LYSMD4: variants seen among roughly 807,000 people sequenced by gnomAD.
LYSMD4 encodes lysM and putative peptidoglycan-binding domain-containing protein 4.
In LYSMD4, 9 loss-of-function variants were observed where a neutral mutation model predicts 6.1. The ratio of observed to expected loss-of-function variants is 1.47; its 90% CI spans 0.88 to 2.56. LYSMD4 has a LOEUF of 2.56. Among genes scored for constraint, LYSMD4 ranks in the 30% most tolerant of loss-of-function variants. The probability of loss-of-function intolerance (pLI) is 0.00; values close to 1 mark genes in which losing one functional copy is unlikely to be tolerated. For missense variants in LYSMD4, 384 were observed against 373.5 expected (o/e 1.03, Z -0.23); for synonymous variants, 143 against 148.5 (o/e 0.96, Z 0.27).
At chr15:99,720,040 G>C (rs112428823), upstream of LYSMD4, among the ~76,000 whole-genome samples, 829 of 152,012 alleles carry the variant, frequency 5.5e-3, 10 homozygotes, top group African/African-American at 0.019. Context: ...CCTCCAACTT[G>C]TAAGGGTTAC....
chr15:99,727,476 GTGATTT>G lies in LYSMD4; in HGVS notation c.*1641_*1646del, dbSNP rs1196537661. 6.6e-6 allele frequency: 1 copy of G among 152,226 alleles called. No individual in the cohort carries two copies. Among genetic ancestry groups the G allele is most frequent in the Non-Finnish European group, 1.5e-5 (1 of 68,046 alleles). The allele number at this position is 152,226 out of a possible 1,614,324, so 9.4% of individuals were successfully genotyped here. The stretch of plus-strand genomic sequence containing the variant: ...AGGATACATTCTTTGTCTGACAAAA[GTGATTT>G]TGTCATGGAACTCCAAGGCCTGCCT... On this transcript the variant is annotated 3_prime_UTR_variant, in exon 3 of 3. Coordinates refer to ENST00000684762, the MANE Select transcript of LYSMD4 (RefSeq NM_001284417.2).
At chr15:99,726,044 T>A (rs1436536207), downstream of LYSMD4, among the ~76,000 whole-genome samples, 1 of 152,072 alleles carries the variant, frequency 6.6e-6, no homozygotes, top group East Asian at 1.9e-4. Context: ...ATATGATTGT[T>A]GTTGCTCCTG....
downstream of LYSMD4, among the ~76,000 whole-genome samples, chr15:99,725,207 G>A (rs1003363567): frequency 6.6e-6 from 1 of 152,154 alleles, no homozygotes; most frequent in South Asian, 2.1e-4. Flanking sequence ...GCGACATAAT[G>A]TCCTCTAGAA....
At position 99,731,801 on chromosome 15, in the gene LYSMD4, C is replaced by T. The variant is rs1269928214; in HGVS notation, c.199G>A (p.Gly67Arg). The T allele has an allele frequency of 1.9e-6, 3 of 1,612,254 alleles. No individual in the cohort carries two copies. In the South Asian group the frequency reaches 3.3e-5, roughly 18 times the overall value. Residue 67 changes from glycine to arginine, a missense_variant, in exon 2 of 3, where the codon GGA becomes AGA. Physicochemically the swap from Gly to Arg is moderately radical, Grantham distance 125. Coordinates refer to ENST00000684762, the MANE Select transcript of LYSMD4 (RefSeq NM_001284417.2). ...TGCAGCAGCACCACGTCACCTGCTC[C>T]CGCCTGGGGAGGCTGGTGGACACCG... The part of the protein sequence containing the change: ...KSGVHQPPQA[G>R]AGDVVLLQRE...
rs1185052375 is a variant in LYSMD4 at position 99,731,824 on chromosome 15, C to T, written c.176G>A (p.Gly59Asp). ...TCCCGCCTGGGGAGGCTGGTGGACACCGCTCTTGTGGCGCTCCTTGCCCCG... is the reference window on the plus strand; with the variant it reads ...TCCCGCCTGGGGAGGCTGGTGGACATCGCTCTTGTGGCGCTCCTTGCCCCG... ...RPRGKERHKS[G>D]VHQPPQAGAG... Residue 59 changes from glycine (G) to aspartate (D), a missense_variant, in exon 2 of 3, where the codon GGT (glycine) becomes GAT (aspartate). Gly to Asp is a moderately conservative substitution (Grantham distance 94). Transcript: ENST00000684762. The T allele has an allele frequency of 1.9e-6, 3 of 1,612,826 alleles. No individual in the cohort carries two copies. The highest frequency in any genetic ancestry group is 2.5e-6 in the Non-Finnish European group (3 of 1,180,042).
chr15:99,723,513 C>T (rs2059253553), downstream of LYSMD4, among the ~76,000 whole-genome samples: 1 of 152,216 alleles, frequency 6.6e-6, no homozygotes. Flanking sequence ...CTGCTGTTCC[C>T]AGGACTAGCC....
In LYSMD4 at chr15:99,728,933, A is replaced by T; in HGVS notation, c.*190T>A. On this transcript the variant is annotated 3_prime_UTR_variant, in exon 3 of 3. Coordinates refer to ENST00000684762, the MANE Select transcript of LYSMD4 (RefSeq NM_001284417.2). ...TAGGGGCCGAGGTCGCTGCTGTTTT[A>T]GATCCTGCCAGCTTAGACTGGGTAA... The T allele has an allele frequency of 1.3e-6, 1 of 766,848 alleles. No individual in the cohort carries two copies. The highest frequency in any genetic ancestry group is 2.1e-6 in the Non-Finnish European group (1 of 474,524). 47.5% of individuals were successfully genotyped at this position (766,848 alleles called of 1,614,324 possible). A position where few individuals can be genotyped will look rare whatever the true frequency, so the allele number is the denominator to read the frequency against.
intron 2 of LYSMD4, 197 bp downstream of exon 2, chr15:99,731,520 TG>T: frequency 6.4e-7 from 1 of 1,566,184 alleles, no homozygotes; most frequent in Non-Finnish European, 8.6e-7. Flanking sequence ...CCTCCCTCTT[TG>T]GGGGCCAGGG....
chr15:99,730,680 ATCTT>A (rs2059384146), intron 2 of LYSMD4, among the ~76,000 whole-genome samples: 1 of 152,032 alleles, frequency 6.6e-6, no homozygotes, highest in Non-Finnish European at 1.5e-5. Context: ...GACCCTTGAG[ATCTT>A]TCTGTCTCTG....
chr15:99,719,013 A>T (rs1330470599), upstream of LYSMD4, among the ~76,000 whole-genome samples: 1 of 152,152 alleles, frequency 6.6e-6, no homozygotes, highest in Non-Finnish European at 1.5e-5. Flanking sequence ...ATTCATTTGT[A>T]ACTTCTTTCT....
chr15:99,730,366 T>A (rs2059375928), intron 2 of LYSMD4, among the ~76,000 whole-genome samples: 1 of 152,238 alleles, frequency 6.6e-6, no homozygotes, highest in African/African-American at 2.4e-5. Context: ...TGCTGTGAGT[T>A]TTATCAAGTA....
At chr15:99,723,770 C>T (rs1388755565), downstream of LYSMD4, among the ~76,000 whole-genome samples, 1 of 152,184 alleles carries the variant, frequency 6.6e-6, no homozygotes, top group African/African-American at 2.4e-5. Context: ...GAGTAAAAAT[C>T]GAGACATCTC....
rs1235992770 is a variant in LYSMD4 at position 99,729,387 on chromosome 15, C to G, written c.627G>C (p.Met209Ile). The change falls in exon 3 of 3, where the codon ATG becomes ATC. Residue 209 changes from methionine to isoleucine, a missense_variant. By Grantham distance (10) the Met-to-Ile change is conservative (BLOSUM62 1). Coordinates refer to ENST00000684762, the MANE Select transcript of LYSMD4 (RefSeq NM_001284417.2). ...ACTGAATGCCACAATCTGCACCATC[C>G]ATAGGCGTCTTCGGAGGTGCCGGGA... Reference protein sequence around the residue: ...PLLPAPPKTPMDGADCGIQWW... With the variant: ...PLLPAPPKTPIDGADCGIQWW... 6.2e-7 allele frequency: 1 copy of G among 1,614,238 alleles called. No homozygotes were observed. Among genetic ancestry groups the G allele is most frequent in the Non-Finnish European group, 8.5e-7 (1 of 1,180,048 alleles).
chr15:99,719,345 G>A (rs548076389), upstream of LYSMD4, among the ~76,000 whole-genome samples: 2 of 152,212 alleles, frequency 1.3e-5, no homozygotes, highest in South Asian at 2.1e-4. Context: ...GATTTATTTT[G>A]AGGGGTGTAT....
chr15:99,723,143 A>T (rs372566432), downstream of LYSMD4, among the ~76,000 whole-genome samples: 3 of 152,156 alleles, frequency 2.0e-5, no homozygotes, highest in East Asian at 3.8e-4. Context: ...AGGAGACAAT[A>T]AAAAAATGAA....
chr15:99,719,050 T>A (rs2059218286), upstream of LYSMD4, among the ~76,000 whole-genome samples: 1 of 152,268 alleles, frequency 6.6e-6, no homozygotes, highest in South Asian at 2.1e-4. Context: ...CAGCTCTTAT[T>A]ATCTACAGTC....
rs1165255149 is a variant in LYSMD4 at position 99,731,863 on chromosome 15, A to G, written c.137T>C (p.Val46Ala). Reference protein sequence around the residue: ...GDSSEEESHRVVLRPRGKERH... With the variant: ...GDSSEEESHRAVLRPRGKERH... The stretch of plus-strand genomic sequence containing the variant: ...CTCCTTGCCCCGGGGCCGCAAAACC[A>G]CACGGTGAGACTCTTCTTCAGAAGA... The change falls in exon 2 of 3, where the codon GTG becomes GCG. Residue 46 changes from valine to alanine, a missense_variant. Transcript: ENST00000684762. 6.2e-7 allele frequency: 1 copy of G among 1,613,362 alleles called. No individual in the cohort carries two copies. The highest frequency in any genetic ancestry group is 8.5e-7 in the Non-Finnish European group (1 of 1,180,018).
downstream of LYSMD4, among the ~76,000 whole-genome samples, chr15:99,725,726 T>C (rs996850525): frequency 1.3e-5 from 2 of 152,212 alleles, no homozygotes; most frequent in Admixed American, 6.5e-5. Flanking sequence ...TTTTCTCTGC[T>C]GTCCCCTCCT....
intron 1 of LYSMD4, chr15:99,732,905 G>C (rs567684485): frequency 6.4e-6 from 1 of 156,104 alleles, no homozygotes; most frequent in East Asian, 1.8e-4. Context: ...GGCGGCCGGC[G>C]GTCCTCGGGG....
Sources: gnomAD v4.1 joint callset for allele counts (sites outside exome capture counted in the v4.1 genomes callset) on GRCh38, gnomAD v4.1.1 for gene constraint, MANE v1.5 for transcripts, NCBI Gene and HGNC (gene_info 2026-07-23, HGNC 2026-07-21) for gene names.